The following ERI1 variants were observed in gnomAD, a reference collection of about 807,000 sequenced individuals.
ERI1 encodes 3'-5' exoribonuclease 1.
In ERI1, 39 loss-of-function variants were observed where a neutral mutation model predicts 39.7. The observed-to-expected ratio is 0.98, with a 90% CI of 0.76 to 1.28. ERI1 has a LOEUF of 1.28. Among genes scored for constraint, ERI1 ranks in the 50% most tolerant of loss-of-function variants. ERI1 has a pLI of 0.00. For missense variants in ERI1, 581 were observed against 416.9 expected (o/e 1.39, Z -3.43); for synonymous variants, 204 against 149.6 (o/e 1.36, Z -2.65).
chr8:9,063,374 T>C lies in ERI1; in HGVS notation n.299+42910T>C, dbSNP rs1369336964. On this transcript the variant is annotated intron_variant and non_coding_transcript_variant, in intron 3 of 3. Transcript: ENST00000518663. The stretch of plus-strand genomic sequence containing the variant: ...ATGCCTTTAGCTCCAGCCACCTTTT[T>C]AAGAGGAAATTGCTGGGCAGGTGGG... 2.6e-5 allele frequency among the ~76,000 whole-genome samples: 4 copies of C among 152,102 alleles called. No individual in the cohort carries two copies. In the East Asian group the frequency reaches 7.7e-4, roughly 29 times the overall value.
chr8:9,027,114 C>G (rs1027439472), intron 6 of ERI1, among the ~76,000 whole-genome samples: 2 of 149,714 alleles, frequency 1.3e-5, no homozygotes, highest in Non-Finnish European at 3.0e-5. Flanking sequence ...CTCCACATCT[C>G]TGTCAATGCT....
At chr8:9,028,912 C>T (rs886874745) in intron 6 of ERI1, among the ~76,000 whole-genome samples, 2 of 151,712 alleles carry the variant, frequency 1.3e-5, no homozygotes, top group African/African-American at 4.8e-5. Context: ...GCGTGAGCTA[C>T]CACACCCAGC....
In ERI1 at chr8:9,018,376, C is replaced by G. The variant is rs1817525299; in HGVS notation, c.662C>G (p.Thr221Arg). The change falls in exon 5 of 7, where the codon ACA (threonine) becomes AGA (arginine). Residue 221 changes from threonine (T) to arginine (R), a missense_variant. Physicochemically the swap from Thr to Arg is moderately conservative, Grantham distance 71. Coordinates refer to ENST00000250263, the MANE Select transcript of ERI1 (RefSeq NM_153332.4). ...TGGATGAAATTGAAGGAATTAGGAA[C>G]AAAGTATAAATACTCACTTTTAACA... is the stretch of plus-strand genomic sequence containing the variant. ...IDWMKLKELGTKYKYSLLTDG... is the reference protein window; with the variant it reads ...IDWMKLKELGRKYKYSLLTDG... The G allele has an allele frequency of 6.2e-7, 1 of 1,604,562 alleles. No homozygotes were observed. The highest frequency in any genetic ancestry group is 8.5e-7 in the Non-Finnish European group (1 of 1,171,658).
In ERI1 at chr8:9,030,696, C is replaced by T. The variant is rs1243668170; in HGVS notation, c.*662C>T. 3 of 152,186 alleles carry T rather than the reference C, an allele frequency of 2.0e-5. No homozygotes were observed. The highest frequency in any genetic ancestry group is 2.9e-5 in the Non-Finnish European group (2 of 68,050). The allele number at this position is 152,186 out of a possible 1,614,324, so 9.4% of individuals were successfully genotyped here. Reference sequence around the variant, plus strand: ...AGTACTAAAAGGAATATCATAAGGGCTGTAGCTCAAACTTCATAATACATA... The same window carrying T: ...AGTACTAAAAGGAATATCATAAGGGTTGTAGCTCAAACTTCATAATACATA... On this transcript the variant is annotated 3_prime_UTR_variant, in exon 7 of 7. Coordinates refer to ENST00000250263, the MANE Select transcript of ERI1 (RefSeq NM_153332.4).
intron 3 of ERI1, among the ~76,000 whole-genome samples, chr8:9,062,104 T>C (rs1302030086): frequency 6.6e-6 from 1 of 152,150 alleles, no homozygotes; most frequent in Non-Finnish European, 1.5e-5. Context: ...AAGGGGAGTT[T>C]ATAGGCTTTA....
At chr8:9,011,434 T>A in intron 2 of ERI1, 108 bp from the exon 3 acceptor site, 1 of 599,822 alleles carries the variant, frequency 1.7e-6, no homozygotes. Context: ...TAGCATTTGC[T>A]AAATTTCGCT....
intron 3 of ERI1, among the ~76,000 whole-genome samples, chr8:9,094,686 T>A (rs867856972): frequency 5.3e-5 from 8 of 152,318 alleles, no homozygotes; most frequent in South Asian, 4.1e-4. Context: ...CAATGTGAGT[T>A]CCTGCTGGAG....
intron 3 of ERI1, among the ~76,000 whole-genome samples, chr8:9,049,330 C>T (rs79426819): frequency 0.12 from 11,548 of 97,172 alleles, 743 homozygotes; most frequent in African/African-American, 0.16. Flanking sequence ...AGTGAGACTC[C>T]GTCTCCAAAA....
intron 3 of ERI1, among the ~76,000 whole-genome samples, chr8:9,044,246 C>T (rs1273606581): frequency 4.6e-5 from 7 of 152,166 alleles, no homozygotes; most frequent in African/African-American, 7.2e-5. Flanking sequence ...TCCTTGTTAG[C>T]ATGGCATGCT....
rs182962494 is a variant in ERI1, at chr8:9,006,158, C to T, written c.109-1812C>T. Among the ~76,000 whole-genome samples, 228 of 152,294 alleles carry T rather than the reference C, an allele frequency of 1.5e-3. 2 individuals are homozygous for T. The highest frequency in any genetic ancestry group is 3.6e-3 in the Admixed American group (55 of 15,304). On this transcript the variant is annotated intron_variant, in intron 1 of 6. Transcript: ENST00000250263. Reference sequence around the variant, plus strand: ...TAGGGTTTTTAGTATTTTCTTTCTGCTCCTTGGCAGATTGATTTGAGCATC... The same window carrying T: ...TAGGGTTTTTAGTATTTTCTTTCTGTTCCTTGGCAGATTGATTTGAGCATC...
intron 3 of ERI1, among the ~76,000 whole-genome samples, chr8:9,045,004 G>T (rs1190295488): frequency 6.6e-6 from 1 of 151,928 alleles, no homozygotes; most frequent in East Asian, 1.9e-4. Flanking sequence ...TTGGGAGGCC[G>T]AGTCAGGCGG....
chr8:9,054,479 C>G (rs983610371), intron 3 of ERI1, among the ~76,000 whole-genome samples: 2 of 152,216 alleles, frequency 1.3e-5, no homozygotes, highest in Non-Finnish European at 2.9e-5. Flanking sequence ...TCACGGCTGA[C>G]ACCCCTACAA....
intron 3 of ERI1, among the ~76,000 whole-genome samples, chr8:9,014,998 C>T (rs1047144885): frequency 1.3e-5 from 2 of 152,060 alleles, no homozygotes; most frequent in African/African-American, 4.8e-5. Flanking sequence ...CCACCTCGCC[C>T]AGCTAATTTT....
At chr8:9,027,926 T>C (rs146409258) in intron 6 of ERI1, among the ~76,000 whole-genome samples, 1 of 152,238 alleles carries the variant, frequency 6.6e-6, no homozygotes, top group Non-Finnish European at 1.5e-5. Context: ...AAAATCCTAC[T>C]TGGTCATGGC....
chr8:9,088,762 C>T (rs1799611222), intron 3 of ERI1, among the ~76,000 whole-genome samples: 1 of 152,228 alleles, frequency 6.6e-6, no homozygotes, highest in African/African-American at 2.4e-5. Context: ...TGGGTAATTT[C>T]AGAGAATCCA....
chr8:9,077,162 T>A (rs893694353), intron 3 of ERI1, among the ~76,000 whole-genome samples: 2 of 152,242 alleles, frequency 1.3e-5, no homozygotes, highest in Non-Finnish European at 2.9e-5. Context: ...GGTTTTACAC[T>A]TCTTTTCCAG....
chr8:9,036,163 C>T (rs1797839340), downstream of ERI1, among the ~76,000 whole-genome samples: 2 of 152,214 alleles, frequency 1.3e-5, no homozygotes, highest in African/African-American at 2.4e-5. Context: ...TAGAATATTA[C>T]ATAAGCTTAA....
intron 6 of ERI1, among the ~76,000 whole-genome samples, chr8:9,024,098 C>T (rs1273507283): frequency 1.3e-5 from 2 of 152,004 alleles, no homozygotes; most frequent in Non-Finnish European, 1.5e-5. Flanking sequence ...TTGCGCCTGG[C>T]CAAAAATGAC....
intron 3 of ERI1, among the ~76,000 whole-genome samples, chr8:9,061,651 G>T (rs960367382): frequency 5.3e-5 from 8 of 152,236 alleles, no homozygotes; most frequent in African/African-American, 1.9e-4. Flanking sequence ...GGGAAGGAAA[G>T]GAGTTGTTGT....
Sources: gnomAD v4.1 joint callset for allele counts (sites outside exome capture counted in the v4.1 genomes callset) on GRCh38, gnomAD v4.1.1 for gene constraint, MANE v1.5 for transcripts, NCBI Gene and HGNC (gene_info 2026-07-23, HGNC 2026-07-21) for gene names.